PDE4B: variants seen among roughly 807,000 people sequenced by gnomAD.
PDE4B encodes the protein phosphodiesterase 4B.
PDE4B carries 20 observed loss-of-function variants against 82.2 expected under a neutral mutation model. That is an observed-to-expected ratio of 0.24 (90% CI 0.17 to 0.35). The LOEUF (loss-of-function observed/expected upper bound fraction) is 0.35, where lower values mean the gene tolerates loss of function less well. PDE4B is among the 10% of genes least tolerant of loss of function. PDE4B has a pLI of 1.00. For synonymous variants in PDE4B, 320 were observed against 318.9 expected, an observed-to-expected ratio of 1.00 and a Z score of -0.04; for missense variants, 655 against 907.2, an observed-to-expected ratio of 0.72 and a Z score of 3.57.
At chr1:65,834,535 C>G (rs771186506) in intron 1 of PDE4B, among the ~76,000 whole-genome samples, 1 of 152,104 alleles carries the variant, frequency 6.6e-6, no homozygotes, top group African/African-American at 2.4e-5. Context: ...GGCGGAAAAA[C>G]CAGTCATCAT....
chr1:66,078,008 A>C (rs1656517224), intron 3 of PDE4B, among the ~76,000 whole-genome samples: 2 of 152,160 alleles, frequency 1.3e-5, no homozygotes, highest in East Asian at 3.9e-4. Context: ...TAATTCATGT[A>C]AAGCATTTAT....
At chr1:65,847,951 T>C (rs1646285440) in intron 1 of PDE4B, among the ~76,000 whole-genome samples, 1 of 151,720 alleles carries the variant, frequency 6.6e-6, no homozygotes. Flanking sequence ...CCAATTGTTT[T>C]TGGAACATTT....
intron 3 of PDE4B, among the ~76,000 whole-genome samples, chr1:65,965,187 G>C (rs1483432563): frequency 2.0e-5 from 3 of 152,040 alleles, no homozygotes; most frequent in African/African-American, 7.2e-5. Flanking sequence ...TAACCTAGAG[G>C]AGTGAAAACA....
chr1:66,302,404 G>A (rs1188915269), intron 7 of PDE4B, among the ~76,000 whole-genome samples: 1 of 152,194 alleles, frequency 6.6e-6, no homozygotes, highest in African/African-American at 2.4e-5. Flanking sequence ...TTTTGGCTTT[G>A]ATCACCTGAT....
intron 3 of PDE4B, among the ~76,000 whole-genome samples, chr1:65,999,180 T>A (rs1028173781): frequency 1.3e-5 from 2 of 152,216 alleles, no homozygotes; most frequent in Non-Finnish European, 2.9e-5. Flanking sequence ...AAATCCCACT[T>A]GCGTTCTCTT....
intron 3 of PDE4B, among the ~76,000 whole-genome samples, chr1:65,978,420 C>T (rs2100645467): frequency 7.2e-6 from 1 of 139,298 alleles, no homozygotes; most frequent in East Asian, 2.5e-4. Context: ...ATGGATAAGG[C>T]ACTGAGAAAC....
chr1:65,882,442 C>G (rs544837211), intron 1 of PDE4B, among the ~76,000 whole-genome samples: 1 of 152,130 alleles, frequency 6.6e-6, no homozygotes, highest in Non-Finnish European at 1.5e-5. Context: ...AGTCTTCTCA[C>G]AGAAGTGTAA....
intron 3 of PDE4B, among the ~76,000 whole-genome samples, chr1:65,979,697 C>A (rs1650587390): frequency 6.6e-6 from 1 of 152,092 alleles, no homozygotes; most frequent in South Asian, 2.1e-4. Flanking sequence ...CTTAATGGGA[C>A]CCTGGAGTGA....
chr1:65,925,416 C>T (rs1647446057), intron 3 of PDE4B, among the ~76,000 whole-genome samples: 1 of 152,024 alleles, frequency 6.6e-6, no homozygotes, highest in Non-Finnish European at 1.5e-5. Context: ...CATAAGAGGG[C>T]ATGTTGATAA....
intron 3 of PDE4B, among the ~76,000 whole-genome samples, chr1:66,036,760 T>C (rs1322723914): frequency 6.6e-6 from 1 of 152,198 alleles, no homozygotes; most frequent in African/African-American, 2.4e-5. Flanking sequence ...TCCTGTAGCA[T>C]GACGACTCCA....
intron 8 of PDE4B, among the ~76,000 whole-genome samples, chr1:66,343,046 G>A (rs1483344937): frequency 3.3e-5 from 5 of 151,870 alleles, no homozygotes; most frequent in Admixed American, 3.3e-4. Flanking sequence ...GGTGATGGGA[G>A]TGAAACCCTG....
chr1:66,206,615 T>G lies in PDE4B; in HGVS notation c.282-40845T>G, dbSNP rs144510589. ...CATACTATAATGACCTTCATTCATTTTGTAAGCAGTTGGCTTGGTTCAGAA... is the reference window on the plus strand; with the variant it reads ...CATACTATAATGACCTTCATTCATTGTGTAAGCAGTTGGCTTGGTTCAGAA... On this transcript the variant is annotated intron_variant, in intron 3 of 16. Coordinates refer to ENST00000341517, the MANE Select transcript of PDE4B (RefSeq NM_002600.4). Among the ~76,000 whole-genome samples, 703 of 152,340 alleles carry G rather than the reference T, an allele frequency of 4.6e-3. 2 individuals are homozygous for G. The highest frequency in any genetic ancestry group is 6.8e-3 in the Middle Eastern group (2 of 294).
At chr1:65,879,150 T>C (rs1367865117) in intron 1 of PDE4B, among the ~76,000 whole-genome samples, 1 of 152,102 alleles carries the variant, frequency 6.6e-6, no homozygotes, top group Non-Finnish European at 1.5e-5. Context: ...ACTCAGGAGT[T>C]AGCTGTCAGG....
intron 7 of PDE4B, among the ~76,000 whole-genome samples, chr1:66,279,267 G>A (rs1000075404): frequency 6.6e-6 from 1 of 152,114 alleles, no homozygotes; most frequent in Non-Finnish European, 1.5e-5. Flanking sequence ...TTTGTCAGGT[G>A]TGTGTGCACT....
chr1:66,171,206 G>A (rs1465400931), intron 3 of PDE4B, among the ~76,000 whole-genome samples: 3 of 151,816 alleles, frequency 2.0e-5, no homozygotes, highest in African/African-American at 7.3e-5. Flanking sequence ...AGACATTCAA[G>A]GAAAAGGAAT....
intron 3 of PDE4B, among the ~76,000 whole-genome samples, chr1:66,079,514 T>C (rs986190581): frequency 1.3e-5 from 2 of 152,120 alleles, no homozygotes; most frequent in African/African-American, 4.8e-5. Context: ...GTAGTACATC[T>C]GTAATGCCAT....
chr1:66,057,847 A>G (rs1655383050), intron 3 of PDE4B, among the ~76,000 whole-genome samples: 1 of 152,022 alleles, frequency 6.6e-6, no homozygotes, highest in African/African-American at 2.4e-5. Context: ...ACAAAACCAA[A>G]CCATATCATT....
At chr1:66,161,547 C>T (rs138732019) in intron 3 of PDE4B, among the ~76,000 whole-genome samples, 64 of 152,092 alleles carry the variant, frequency 4.2e-4, no homozygotes, top group African/African-American at 1.2e-3. Context: ...GTATTGCTTA[C>T]GAGATGTTTT....
chr1:65,969,032 T>C lies in PDE4B; in HGVS notation c.281+50197T>C, dbSNP rs558832594. Among the ~76,000 whole-genome samples the C allele has an allele frequency of 1.1e-4, 16 of 152,308 alleles. No homozygotes were observed. In the South Asian group the frequency reaches 3.3e-3, roughly 32 times the overall value. ...GTAGAAAATAGAATGTAACAAATTA[T>C]CTCATTTAATTTTACCTGAGAAACA... is the stretch of plus-strand genomic sequence containing the variant. On this transcript the variant is annotated intron_variant, in intron 3 of 16. Transcript: ENST00000341517.
Sources: gnomAD v4.1 joint callset for allele counts (sites outside exome capture counted in the v4.1 genomes callset) on GRCh38, gnomAD v4.1.1 for gene constraint, MANE v1.5 for transcripts, NCBI Gene and HGNC (gene_info 2026-07-23, HGNC 2026-07-21) for gene names.